WDR76: variants seen among roughly 807,000 people sequenced by gnomAD.
WDR76 encodes the protein WD repeat domain 76, also known as WD repeat-containing protein 76.
In WDR76, 52 loss-of-function variants were observed where a neutral mutation model predicts 70.2. That is an observed-to-expected ratio of 0.74 (90% confidence interval 0.59 to 0.93). The LOEUF (loss-of-function observed/expected upper bound fraction) is 0.93, where lower values mean the gene tolerates loss of function less well. Ranked by LOEUF, WDR76 falls within the 40% of genes least tolerant of loss-of-function variation. WDR76 has a pLI of 0.00. For synonymous variants in WDR76, 292 were observed against 271.1 expected (o/e 1.08, Z -0.76); for missense variants, 756 against 760.2 (o/e 0.99, Z 0.07).
In WDR76 at chr15:43,835,047, G is replaced by C. The variant is rs776310708; in HGVS notation, c.463-14G>C. ...TATATAAAGTAATGGAATCTTTTTG[G>C]TGTAATTTTATAGGATTTTTCGGGA... On this transcript the variant is annotated splice_polypyrimidine_tract_variant and intron_variant, in intron 2 of 12. Transcript: ENST00000263795. 4.4e-6 allele frequency: 7 copies of C among 1,608,536 alleles called. No homozygotes were observed. Among genetic ancestry groups the C allele is most frequent in the Non-Finnish European group, 6.0e-6 (7 of 1,175,640 alleles).
intron 10 of WDR76, chr15:43,857,460 G>C: frequency 1.0e-6 from 1 of 985,256 alleles, no homozygotes; most frequent in Non-Finnish European, 1.2e-6. Flanking sequence ...AGAAAAAAAA[G>C]TTACATGTGA....
chr15:43,850,941 G>A, intron 8 of WDR76, 146 bp from the exon 9 acceptor site: 2 of 1,007,848 alleles, frequency 2.0e-6, no homozygotes, highest in South Asian at 4.2e-5. Flanking sequence ...TTCTGACTTT[G>A]TGAAGGGGAG....
intron 9 of WDR76, among the ~76,000 whole-genome samples, chr15:43,854,919 C>G (rs1367844026): frequency 1.3e-5 from 2 of 149,692 alleles, no homozygotes; most frequent in African/African-American, 4.9e-5. Context: ...CCATTGTACT[C>G]TAGTCTGTGT....
chr15:43,851,273 C>G, intron 9 of WDR76, 28 bp downstream of exon 9: 1 of 1,606,400 alleles, frequency 6.2e-7, no homozygotes, highest in Non-Finnish European at 8.5e-7. Context: ...TACATGCTGA[C>G]TTCAGATGAT....
Position 43,833,780 on chromosome 15 carries a change from G to A in WDR76, c.463-1281G>A, listed in dbSNP as rs180957599. Among the ~76,000 whole-genome samples the A allele has an allele frequency of 2.5e-4, 38 of 152,154 alleles. 1 individual carries two copies. The highest frequency in any genetic ancestry group is 8.9e-4 in the African/African-American group (37 of 41,508). The stretch of plus-strand genomic sequence containing the variant: ...GCCTCCCGAGTAGCTGGGACTACAG[G>A]CGTGTGTCACCACACCCGGCTAATT... On this transcript the variant is annotated intron_variant, in intron 2 of 12. Transcript: ENST00000263795.
chr15:43,845,787 T>TA (rs1362753360), intron 8 of WDR76, among the ~76,000 whole-genome samples: 1 of 150,390 alleles, frequency 6.6e-6, no homozygotes, highest in Non-Finnish European at 1.5e-5. Flanking sequence ...AAAGTCAAGT[T>TA]AATGTTCTCT....
rs1308706741 is a variant in WDR76 at position 43,868,189 on chromosome 15, T to C, written c.*1797T>C. On this transcript the variant is annotated 3_prime_UTR_variant, in exon 13 of 13. Coordinates refer to ENST00000263795, the MANE Select transcript of WDR76 (RefSeq NM_024908.4). The stretch of plus-strand genomic sequence containing the variant: ...AGAAAAGCTAGGTGAGGTTGAGTTA[T>C]AATTAAACTGTTCAGGAAACATCGT... The C allele has an allele frequency of 6.6e-6, 1 of 152,232 alleles. No individual in the cohort carries two copies. Among genetic ancestry groups the C allele is most frequent in the Non-Finnish European group, 1.5e-5 (1 of 68,038 alleles). The allele number at this position is 152,232 out of a possible 1,614,324, so 9.4% of individuals were successfully genotyped here.
chr15:43,833,320 CT>C (rs572785012), intron 2 of WDR76, among the ~76,000 whole-genome samples: 1,796 of 134,164 alleles, frequency 0.013, 20 homozygotes, highest in African/African-American at 0.042. Context: ...CTTTTCTTTT[CT>C]TTTTTTTTTT....
chr15:43,851,037 A>G (rs771842183), intron 8 of WDR76, 50 bp from the exon 9 acceptor site: 5 of 1,601,226 alleles, frequency 3.1e-6, no homozygotes, highest in African/African-American at 2.7e-5. Context: ...AAAAATCACT[A>G]TTTTTCACTA....
intron 4 of WDR76, among the ~76,000 whole-genome samples, chr15:43,836,879 A>AG (rs2087662634): frequency 6.6e-6 from 1 of 151,834 alleles, no homozygotes; most frequent in African/African-American, 2.4e-5. Flanking sequence ...AAAAAAAAAA[A>AG]AAAAATTAAA....
At chr15:43,858,860 A>G (rs769910406) in intron 11 of WDR76, 37 bp downstream of exon 11, 2 of 1,605,482 alleles carry the variant, frequency 1.2e-6, no homozygotes, top group Non-Finnish European at 1.7e-6. Flanking sequence ...TAGGGAATCT[A>G]AAGAGTCTAT....
chr15:43,851,279 A>G (rs555686896), intron 9 of WDR76, 34 bp downstream of exon 9: 33 of 1,605,778 alleles, frequency 2.1e-5, no homozygotes, highest in Non-Finnish European at 2.7e-5. Flanking sequence ...CTGACTTCAG[A>G]TGATATTCTA....
At chr15:43,854,804 G>A (rs2087908890) in intron 9 of WDR76, among the ~76,000 whole-genome samples, 1 of 152,108 alleles carries the variant, frequency 6.6e-6, no homozygotes, top group Non-Finnish European at 1.5e-5. Flanking sequence ...CAAAAAATTA[G>A]ATGGGCATGG....
At chr15:43,830,562 C>CAAA (rs1244207750) in intron 2 of WDR76, among the ~76,000 whole-genome samples, 2 of 49,230 alleles carry the variant, frequency 4.1e-5, no homozygotes, top group African/African-American at 7.2e-5. Flanking sequence ...AACTCCGTCT[C>CAAA]AAAAAAAAAA....
intron 12 of WDR76, among the ~76,000 whole-genome samples, chr15:43,862,297 T>C (rs1366710431): frequency 8.1e-5 from 10 of 123,114 alleles, no homozygotes; most frequent in Non-Finnish European, 1.3e-4. Flanking sequence ...TTTTTTTTTT[T>C]CAGGTCCACA....
intron 8 of WDR76, among the ~76,000 whole-genome samples, chr15:43,848,976 A>T (rs528897531): frequency 6.9e-6 from 1 of 144,108 alleles, no homozygotes; most frequent in African/African-American, 2.6e-5. Context: ...ATTTCAGATT[A>T]CCTGCTGTCT....
chr15:43,830,611 G>A (rs2087575870), intron 2 of WDR76, among the ~76,000 whole-genome samples: 1 of 147,216 alleles, frequency 6.8e-6, no homozygotes, highest in Admixed American at 6.8e-5. Context: ...TAAATATAAA[G>A]CAGATTTTAG....
At chr15:43,841,952 C>A (rs1031820321) in intron 5 of WDR76, among the ~76,000 whole-genome samples, 1 of 152,004 alleles carries the variant, frequency 6.6e-6, no homozygotes, top group African/African-American at 2.4e-5. Context: ...ACTGCAACCT[C>A]CAACACCTGG....
Position 43,866,202 on chromosome 15 carries a change from T to A in WDR76, c.1691T>A (p.Ile564Lys). The A allele has an allele frequency of 6.2e-7, 1 of 1,614,198 alleles. No homozygotes were observed. The highest frequency in any genetic ancestry group is 8.5e-7 in the Non-Finnish European group (1 of 1,180,034). ...GATCCTAAACAAGAAGACTGTGTCA[T>A]AGTTGGCAGCATGGCCCATCCACGA... ...MWDPKQEDCV[I>K]VGSMAHPRRV... is the part of the protein sequence containing the mutation. Residue 564 changes from isoleucine to lysine, a missense_variant, in exon 13 of 13, where the codon ATA (isoleucine) becomes AAA (lysine). Physicochemically the swap from Ile to Lys is moderately radical, Grantham distance 102. Transcript: ENST00000263795.
Sources: allele counts gnomAD v4.1 joint callset (sites outside exome capture counted in the v4.1 genomes callset), GRCh38; gene constraint gnomAD v4.1.1; transcripts MANE v1.5; gene names NCBI Gene and HGNC (gene_info 2026-07-23, HGNC 2026-07-21).